Variants in CFAP299 observed in about 807,000 individuals in gnomAD.
CFAP299 encodes the protein cilia and flagella associated protein 299.
CFAP299 carries 21 observed loss-of-function variants against 27.0 expected under a neutral mutation model. The observed-to-expected ratio is 0.78, with a 90% CI of 0.55 to 1.12. The LOEUF (loss-of-function observed/expected upper bound fraction) is 1.12, where lower values mean the gene tolerates loss of function less well. Ranked by LOEUF, CFAP299 falls within the 50% of genes most tolerant of loss-of-function variation. The pLI, the probability that CFAP299 is intolerant of heterozygous loss-of-function variation, is 0.00. For missense variants in CFAP299, 310 were observed against 276.6 expected (o/e 1.12, Z -0.86); for synonymous variants, 104 against 98.1 (o/e 1.06, Z -0.36).
At chr4:80,595,936 C>T (rs1326737033) in intron 3 of CFAP299, among the ~76,000 whole-genome samples, 1 of 152,198 alleles carries the variant, frequency 6.6e-6, no homozygotes, top group Non-Finnish European at 1.5e-5. Flanking sequence ...GCGTGCAATA[C>T]ATAGCACTCT....
At chr4:80,342,254 C>T (rs546275704) in intron 1 of CFAP299, among the ~76,000 whole-genome samples, 1 of 152,186 alleles carries the variant, frequency 6.6e-6, no homozygotes, top group African/African-American at 2.4e-5. Flanking sequence ...TTCAGGATAT[C>T]ATCCAGGAGA....
chr4:80,662,498 G>A (rs1740905407), intron 3 of CFAP299, among the ~76,000 whole-genome samples: 1 of 152,108 alleles, frequency 6.6e-6, no homozygotes, highest in African/African-American at 2.4e-5. Flanking sequence ...TCTCAGGGGA[G>A]GTAAGTATTG....
chr4:80,365,581 C>T (rs1335307845), intron 2 of CFAP299, among the ~76,000 whole-genome samples: 1 of 152,156 alleles, frequency 6.6e-6, no homozygotes, highest in East Asian at 1.9e-4. Context: ...CTATCAACTT[C>T]TATTCTTGGA....
chr4:80,697,703 C>T (rs1238890302), intron 3 of CFAP299, among the ~76,000 whole-genome samples: 1 of 152,102 alleles, frequency 6.6e-6, no homozygotes, highest in African/African-American at 2.4e-5. Context: ...AGCGATCATA[C>T]AATTAGATTT....
intron 3 of CFAP299, among the ~76,000 whole-genome samples, chr4:80,821,228 A>T (rs1455894240): frequency 6.6e-6 from 1 of 152,208 alleles, no homozygotes. Context: ...CTTCCTGTGC[A>T]TTATAATTTA....
chr4:80,524,743 AT>A (rs1273253450), intron 2 of CFAP299, among the ~76,000 whole-genome samples: 1 of 152,150 alleles, frequency 6.6e-6, no homozygotes, highest in Non-Finnish European at 1.5e-5. Flanking sequence ...CTCTAGATGT[AT>A]TCATCATCTA....
Position 80,444,977 on chromosome 4 carries a change from C to A in CFAP299, c.242+82093C>A, listed in dbSNP as rs560934759. 2.0e-4 allele frequency among the ~76,000 whole-genome samples: 31 copies of A among 152,242 alleles called. No individual in the cohort carries two copies. In the East Asian group the frequency reaches 2.1e-3, roughly 10 times the overall value. On this transcript the variant is annotated intron_variant, in intron 2 of 5. Coordinates refer to ENST00000358105, the MANE Select transcript of CFAP299 (RefSeq NM_152770.3). Reference sequence around the variant, plus strand: ...GCAAATCGAAACCACAATGAGATACCATCTCATGCCAGTTAGAATGGCGAT... The same window carrying A: ...GCAAATCGAAACCACAATGAGATACAATCTCATGCCAGTTAGAATGGCGAT...
intron 3 of CFAP299, among the ~76,000 whole-genome samples, chr4:80,630,578 G>T (rs952963664): frequency 2.0e-5 from 3 of 151,838 alleles, no homozygotes; most frequent in African/African-American, 4.8e-5. Flanking sequence ...TACTGTAGTG[G>T]CAACTAATGC....
At chr4:80,519,176 ATATGTGTGTGTGTGTGTGTG>A (rs1201625467) in intron 2 of CFAP299, among the ~76,000 whole-genome samples, 1 of 121,868 alleles carries the variant, frequency 8.2e-6, no homozygotes, top group Non-Finnish European at 1.6e-5. Flanking sequence ...TACTCTGTTA[ATATGTGTGTGTGTGTGTGTG>A]TATGTGTGTG....
At chr4:80,548,040 A>T (rs1189986802) in intron 2 of CFAP299, among the ~76,000 whole-genome samples, 1 of 152,190 alleles carries the variant, frequency 6.6e-6, no homozygotes, top group Non-Finnish European at 1.5e-5. Context: ...TACCCAAAGG[A>T]AAATAAATTG....
At chr4:80,895,975 T>C (rs1315235193) in intron 4 of CFAP299, among the ~76,000 whole-genome samples, 1 of 152,140 alleles carries the variant, frequency 6.6e-6, no homozygotes, top group Non-Finnish European at 1.5e-5. Context: ...TGTTTAATAT[T>C]GTAAATATAA....
intron 3 of CFAP299, among the ~76,000 whole-genome samples, chr4:80,740,156 TGTTA>T (rs1724172674): frequency 6.6e-6 from 1 of 152,218 alleles, no homozygotes; most frequent in South Asian, 2.1e-4. Flanking sequence ...GATTGTTCCC[TGTTA>T]GCTTATTTAG....
intron 3 of CFAP299, among the ~76,000 whole-genome samples, chr4:80,744,848 G>C (rs965447938): frequency 1.3e-5 from 2 of 152,052 alleles, no homozygotes; most frequent in African/African-American, 4.8e-5. Flanking sequence ...ATTTAACTGG[G>C]TGAAGAGGGA....
chr4:80,866,690 G>A (rs1406244182), intron 3 of CFAP299, among the ~76,000 whole-genome samples: 5 of 152,066 alleles, frequency 3.3e-5, no homozygotes, highest in African/African-American at 9.7e-5. Flanking sequence ...CTTATAGTCC[G>A]CTTGACCTCA....
At chr4:80,927,277 T>C (rs1481848608) in intron 4 of CFAP299, among the ~76,000 whole-genome samples, 1 of 152,060 alleles carries the variant, frequency 6.6e-6, no homozygotes, top group Non-Finnish European at 1.5e-5. Flanking sequence ...TTCCCCAACC[T>C]TAAGTACAAA....
chr4:80,698,805 C>T (rs1185437319), intron 3 of CFAP299, among the ~76,000 whole-genome samples: 2 of 152,062 alleles, frequency 1.3e-5, no homozygotes, highest in African/African-American at 2.4e-5. Context: ...AGGAAGAGCC[C>T]CTTATAAAAC....
At chr4:80,934,952 G>A (rs1228191569) in intron 4 of CFAP299, among the ~76,000 whole-genome samples, 2 of 151,562 alleles carry the variant, frequency 1.3e-5, no homozygotes, top group African/African-American at 4.8e-5. Context: ...ATAGCTCCTT[G>A]AATATAAATT....
chr4:80,451,259 C>G (rs1728891396), intron 2 of CFAP299, among the ~76,000 whole-genome samples: 1 of 152,170 alleles, frequency 6.6e-6, no homozygotes, highest in Non-Finnish European at 1.5e-5. Flanking sequence ...TAGCTGATAT[C>G]TCTTTGTGTG....
rs115795690 is a variant in CFAP299 at position 80,341,328 on chromosome 4, C to T, written c.111+5449C>T. 4.3e-3 allele frequency among the ~76,000 whole-genome samples: 660 copies of T among 152,260 alleles called. 4 individuals carry two copies. The highest frequency in any genetic ancestry group is 7.3e-3 in the Non-Finnish European group (495 of 68,016). ...CCCCCAACGCAGCACACCTGCTCTA[C>T]CAAAAAGCAACCAGACTGCTTCTTT... On this transcript the variant is annotated intron_variant, in intron 1 of 5. Coordinates refer to ENST00000358105, the MANE Select transcript of CFAP299 (RefSeq NM_152770.3).
Sources: allele counts gnomAD v4.1 joint callset (sites outside exome capture counted in the v4.1 genomes callset), GRCh38; gene constraint gnomAD v4.1.1; transcripts MANE v1.5; gene names NCBI Gene and HGNC (gene_info 2026-07-23, HGNC 2026-07-21).